RORB: variants seen among roughly 807,000 people sequenced by gnomAD.
RORB encodes the protein nuclear receptor ROR-beta.
Under a neutral mutation model 59.1 loss-of-function variants are expected in RORB, and 6 were observed. That is an observed-to-expected ratio of 0.10 (90% CI 0.06 to 0.20). RORB has a LOEUF of 0.20. Ranked by LOEUF, RORB falls within the 10% of genes least tolerant of loss-of-function variation. The pLI is 1.00. For missense variants in RORB, 320 were observed against 560.5 expected (o/e 0.57, Z 4.33); for synonymous variants, 215 against 204.5 (o/e 1.05, Z -0.44).
At chr9:74,569,972 A>T (rs1822527278) in intron 1 of RORB, among the ~76,000 whole-genome samples, 1 of 151,942 alleles carries the variant, frequency 6.6e-6, no homozygotes, top group Non-Finnish European at 1.5e-5. Context: ...CTCCCCTCCT[A>T]TGTTCCTTTA....
chr9:74,544,179 TGG>T (rs765958981), intron 1 of RORB, among the ~76,000 whole-genome samples: 12 of 152,166 alleles, frequency 7.9e-5, no homozygotes, highest in Non-Finnish European at 1.3e-4. Context: ...CCGCTTGCCT[TGG>T]TGCCTCTGTT....
intron 1 of RORB, among the ~76,000 whole-genome samples, chr9:74,530,873 T>C (rs149149416): frequency 2.0e-5 from 3 of 148,370 alleles, no homozygotes; most frequent in Non-Finnish European, 4.6e-5. Context: ...TCCTTCCCCC[T>C]ACCCCCTACC....
intron 1 of RORB, among the ~76,000 whole-genome samples, chr9:74,558,824 G>A (rs983161527): frequency 1.3e-5 from 2 of 152,184 alleles, no homozygotes; most frequent in Non-Finnish European, 2.9e-5. Context: ...TCTGTATAAT[G>A]TCATTTTACA....
rs534024092 is a variant in RORB at position 74,630,171 on chromosome 9, A to G, written c.8-111A>G. 25 of 1,428,976 alleles carry G rather than the reference A, an allele frequency of 1.7e-5. No homozygotes were observed. In the East Asian group the frequency reaches 4.2e-4, roughly 24 times the overall value. The allele number at this position is 1,428,976 out of a possible 1,614,324, so 88.5% of individuals were successfully genotyped here. On this transcript the variant is annotated intron_variant, in intron 1 of 9. Coordinates refer to ENST00000376896, the MANE Select transcript of RORB (RefSeq NM_006914.4). ...ACTCCCACACCACCGCTCACACCCC[A>G]GTATTTTCAAATACAAACATCAAGG...
At chr9:74,657,706 T>G (rs2118502904) in intron 4 of RORB, among the ~76,000 whole-genome samples, 1 of 152,196 alleles carries the variant, frequency 6.6e-6, no homozygotes, top group Non-Finnish European at 1.5e-5. Context: ...TGTAAGATAC[T>G]TTAAAACACA....
rs1323732347 is a variant in RORB, at chr9:74,688,083, A to G, written c.*2465A>G. 1 of 152,212 alleles carries G rather than the reference A, an allele frequency of 6.6e-6. No individual in the cohort carries two copies. The highest frequency in any genetic ancestry group is 2.4e-5 in the African/African-American group (1 of 41,452). The allele number at this position is 152,212 out of a possible 1,614,324, so 9.4% of individuals were successfully genotyped here. On this transcript the variant is annotated 3_prime_UTR_variant, in exon 10 of 10. Coordinates refer to ENST00000376896, the MANE Select transcript of RORB (RefSeq NM_006914.4). ...TCCTCCCTTTTCCCATGGGTGATAT[A>G]GGAAAAAGATTGTTCCCCACATTTA...
chr9:74,638,567 A>G (rs896030835), intron 3 of RORB, among the ~76,000 whole-genome samples: 2 of 152,238 alleles, frequency 1.3e-5, no homozygotes, highest in African/African-American at 4.8e-5. Context: ...AGAGGGGCAG[A>G]CAGTTAAAAT....
At chr9:74,645,932 CTACCTGACCTCCT>C (rs1823889839) in intron 4 of RORB, among the ~76,000 whole-genome samples, 1 of 152,108 alleles carries the variant, frequency 6.6e-6, no homozygotes, top group Non-Finnish European at 1.5e-5. Context: ...TGTTTGCTGC[CTACCTGACCTCCT>C]TCTAGGCACT....
At chr9:74,527,726 C>T (rs1190710718) in intron 1 of RORB, among the ~76,000 whole-genome samples, 2 of 152,030 alleles carry the variant, frequency 1.3e-5, no homozygotes, top group East Asian at 3.9e-4. Flanking sequence ...GTGCTCTTTG[C>T]ACCATATCCT....
rs565020865 is a variant in RORB at position 74,632,275 on chromosome 9, T to C, written c.93+1908T>C. Among the ~76,000 whole-genome samples the C allele has an allele frequency of 1.9e-3, 294 of 152,312 alleles. 2 individuals carry two copies. The highest frequency in any genetic ancestry group is 3.3e-3 in the Non-Finnish European group (223 of 68,000). On this transcript the variant is annotated intron_variant, in intron 2 of 9. Coordinates refer to ENST00000376896, the MANE Select transcript of RORB (RefSeq NM_006914.4). The stretch of plus-strand genomic sequence containing the variant: ...GAATCCACAATCAAAGAAATTATGC[T>C]GTTATTATGAAGCATACTCTGAGGT...
chr9:74,607,803 A>G (rs1262606806), intron 1 of RORB, among the ~76,000 whole-genome samples: 11 of 152,178 alleles, frequency 7.2e-5, no homozygotes, highest in Admixed American at 3.9e-4. Flanking sequence ...GCATACCAGA[A>G]ATTAAGTAAT....
intron 8 of RORB, among the ~76,000 whole-genome samples, chr9:74,669,391 A>T (rs1195764052): frequency 6.6e-6 from 1 of 151,918 alleles, no homozygotes; most frequent in Admixed American, 6.6e-5. Flanking sequence ...AGGCAGGAGA[A>T]TCACTTGAAC....
At chr9:74,668,011 T>C (rs1327838) in intron 8 of RORB, 110 bp downstream of exon 8, 107,198 of 665,178 alleles carry the variant, frequency 0.16, 10,037 homozygotes, top group Middle Eastern at 0.21. Flanking sequence ...AACAGAGCTA[T>C]ATTTTCTTTA....
At chr9:74,540,118 T>C (rs1317510886) in intron 1 of RORB, among the ~76,000 whole-genome samples, 2 of 152,170 alleles carry the variant, frequency 1.3e-5, no homozygotes, top group Non-Finnish European at 2.9e-5. Flanking sequence ...TAACTTGCAC[T>C]GAAAACGAGT....
intron 1 of RORB, among the ~76,000 whole-genome samples, chr9:74,561,788 A>G (rs1822399772): frequency 6.6e-6 from 1 of 152,164 alleles, no homozygotes; most frequent in African/African-American, 2.4e-5. Flanking sequence ...TTTTTGCTCT[A>G]ATGTCATTTT....
chr9:74,566,919 G>A (rs1408758263), intron 1 of RORB, among the ~76,000 whole-genome samples: 1 of 152,194 alleles, frequency 6.6e-6, no homozygotes, highest in Non-Finnish European at 1.5e-5. Context: ...TTGTTTATGT[G>A]ACTTTTCTTT....
rs570909437 is a variant in RORB, at chr9:74,510,609, C to A, written c.7+12626C>A. Among the ~76,000 whole-genome samples, 6 of 152,260 alleles carry A rather than the reference C, an allele frequency of 3.9e-5. No homozygotes were observed. In the East Asian group the frequency reaches 1.2e-3, roughly 29 times the overall value. On this transcript the variant is annotated intron_variant, in intron 1 of 9. Coordinates refer to ENST00000376896, the MANE Select transcript of RORB (RefSeq NM_006914.4). Reference sequence around the variant, plus strand: ...TTATGTAGCCACTGTCTCAATGACACACCCAACAATCTTGTGAGCTACGCA... The same window carrying A: ...TTATGTAGCCACTGTCTCAATGACAAACCCAACAATCTTGTGAGCTACGCA...
chr9:74,597,873 G>A (rs567338801), intron 1 of RORB, among the ~76,000 whole-genome samples: 9 of 152,028 alleles, frequency 5.9e-5, no homozygotes, highest in East Asian at 1.9e-4. Flanking sequence ...CAGGAGAATC[G>A]CTTGAACCCG....
intron 1 of RORB, among the ~76,000 whole-genome samples, chr9:74,579,927 A>G (rs1470314854): frequency 6.6e-6 from 1 of 152,132 alleles, no homozygotes; most frequent in East Asian, 1.9e-4. Context: ...GCAGTTAACT[A>G]TAGTCTGAAA....
Sources: gnomAD v4.1 joint callset for allele counts (sites outside exome capture counted in the v4.1 genomes callset) on GRCh38, gnomAD v4.1.1 for gene constraint, MANE v1.5 for transcripts, NCBI Gene and HGNC (gene_info 2026-07-23, HGNC 2026-07-21) for gene names.